The following KCNK17 variants were observed in gnomAD, a reference collection of about 807,000 sequenced individuals.
KCNK17 encodes the protein potassium channel subfamily K member 17.
In KCNK17, 27 loss-of-function variants were observed where a neutral mutation model predicts 24.6. That is an observed-to-expected ratio of 1.10 (90% CI 0.81 to 1.51). The LOEUF is 1.51. Among genes scored for constraint, KCNK17 ranks in the 40% most tolerant of loss-of-function variants. KCNK17 has a pLI of 0.00. For synonymous variants in KCNK17, 181 were observed against 189.8 expected (o/e 0.95, Z 0.38); for missense variants, 450 against 436.6 (o/e 1.03, Z -0.27).
At chr6:39,300,338 G>C in intron 4 of KCNK17, 2 of 742,074 alleles carry the variant, frequency 2.7e-6, no homozygotes, top group South Asian at 3.0e-5. Context: ...TGCCCAGGCT[G>C]GTCTTGAACT....
chr6:39,300,626 G>A (rs1297859958), intron 4 of KCNK17: 1 of 1,174,636 alleles, frequency 8.5e-7, no homozygotes, highest in Non-Finnish European at 1.2e-6. Flanking sequence ...GTGAGATGGG[G>A]AATACGACTG....
chr6:39,312,837 G>A (rs1762165417), intron 1 of KCNK17, among the ~76,000 whole-genome samples: 1 of 152,128 alleles, frequency 6.6e-6, no homozygotes, highest in Non-Finnish European at 1.5e-5. Context: ...GGCTGTATTT[G>A]CAGAAGTCCG....
chr6:39,304,402 G>T, intron 3 of KCNK17, 93 bp downstream of exon 3: 2 of 1,165,398 alleles, frequency 1.7e-6, no homozygotes, highest in Non-Finnish European at 2.5e-6. Flanking sequence ...AGTAACACTT[G>T]CTCCCACCTC....
At chr6:39,310,254 T>G (rs1762109475) in intron 2 of KCNK17, among the ~76,000 whole-genome samples, 1 of 152,090 alleles carries the variant, frequency 6.6e-6, no homozygotes, top group African/African-American at 2.4e-5. Context: ...CTCAGCACCC[T>G]CCTGAGACAA....
At position 39,304,081 on chromosome 6, in the gene KCNK17, G is replaced by C. The variant is rs775999562; in HGVS notation, c.564C>G (p.Gly188=). ...WLAGSGALLS[G]LLLFLLLPPL... is the part of the protein sequence containing the mutation. ...GTGGCAGCAGCAGGAAGAGCAGGAG[G>C]CCCGAGAGGAGGGCGCCAGAGCCCG... Residue 188 remains glycine, a synonymous_variant, in exon 4 of 5, where the codon GGC becomes GGG. Coordinates refer to ENST00000373231, the MANE Select transcript of KCNK17 (RefSeq NM_031460.4). 1.9e-6 allele frequency: 3 copies of C among 1,612,440 alleles called. No homozygotes were observed. In the East Asian group the frequency reaches 6.7e-5, roughly 36 times the overall value.
chr6:39,308,042 C>T (rs986880788), intron 2 of KCNK17, among the ~76,000 whole-genome samples: 46 of 152,278 alleles, frequency 3.0e-4, no homozygotes, highest in African/African-American at 1.1e-3. Context: ...ATGGACACCC[C>T]ACCTACAATA....
intron 1 of KCNK17, among the ~76,000 whole-genome samples, chr6:39,311,325 C>T (rs1762136181): frequency 6.6e-6 from 1 of 152,168 alleles, no homozygotes; most frequent in Admixed American, 6.5e-5. Context: ...CCTGCTCACT[C>T]CCATTCCTGC....
chr6:39,303,246 G>A (rs1040999727), intron 4 of KCNK17, among the ~76,000 whole-genome samples: 4 of 152,186 alleles, frequency 2.6e-5, no homozygotes, highest in Admixed American at 1.3e-4. Context: ...GCATGAAGCC[G>A]CTTGAGGCTG....
Position 39,314,379 on chromosome 6 carries a change from A to G in KCNK17, c.-59T>C. 8.1e-7 allele frequency: 1 copy of G among 1,227,986 alleles called. No homozygotes were observed. Among genetic ancestry groups the G allele is most frequent in the Non-Finnish European group, 1.1e-6 (1 of 929,470 alleles). 76.1% of individuals were successfully genotyped at this position (1,227,986 alleles called of 1,614,324 possible). A position where few individuals can be genotyped will look rare whatever the true frequency, so the allele number is the denominator to read the frequency against. On this transcript the variant is annotated 5_prime_UTR_variant, in exon 1 of 5. Transcript: ENST00000373231. ...GTGGACTAGGACCCGGTGGGAGGGA[A>G]GGGCCAGGCGTCCAGCTCGTATCTC...
Position 39,304,667 on chromosome 6 carries a change from G to A in KCNK17, c.353-12C>T. On this transcript the variant is annotated splice_polypyrimidine_tract_variant and intron_variant, in intron 2 of 4. Transcript: ENST00000373231. ...CAGGTTGCCATAGCCTGAGGTGAGA[G>A]GGGGCACTCAGGGGACATTTCCAGC... is the stretch of plus-strand genomic sequence containing the variant. The A allele has an allele frequency of 6.2e-7, 1 of 1,604,412 alleles. No homozygotes were observed. The highest frequency in any genetic ancestry group is 8.5e-7 in the Non-Finnish European group (1 of 1,171,900).
Position 39,314,069 on chromosome 6 carries a change from C to T in KCNK17, c.237+15G>A, listed in dbSNP as rs1201458108. Reference sequence around the variant, plus strand: ...CCATCCCGCCGCGCCCAGGCCGACGCCGCTCGCCCCTGACCCGGATCAGCG... The same window carrying T: ...CCATCCCGCCGCGCCCAGGCCGACGTCGCTCGCCCCTGACCCGGATCAGCG... On this transcript the variant is annotated intron_variant, in intron 1 of 4. Transcript: ENST00000373231. 1 of 1,550,764 alleles carries T rather than the reference C, an allele frequency of 6.4e-7. No homozygotes were observed.
At chr6:39,310,075 G>A (rs1762107163) in intron 2 of KCNK17, among the ~76,000 whole-genome samples, 1 of 152,326 alleles carries the variant, frequency 6.6e-6, no homozygotes. Context: ...GGCTGGCCAG[G>A]AACTGGGAGG....
chr6:39,314,265 AC>A lies in KCNK17; in HGVS notation c.55del (p.Val19CysfsTer59), dbSNP rs1375544282. ...GAGCAGCAGGAGCACGGTGCTGGGCACCGCGCAGCCCCGGACCCTGCCCTCG... is the reference window on the plus strand; with the variant it reads ...GAGCAGCAGGAGCACGGTGCTGGGCACGCGCAGCCCCGGACCCTGCCCTCG... ...APEGRVRGCA[V>X]PSTVLLLLAY... On this transcript the variant is annotated frameshift_variant, in exon 1 of 5. Transcript: ENST00000373231. LOFTEE classifies it high-confidence loss of function. The A allele has an allele frequency of 6.6e-7, 1 of 1,524,920 alleles. No individual in the cohort carries two copies. Among genetic ancestry groups the A allele is most frequent in the Non-Finnish European group, 8.8e-7 (1 of 1,140,528 alleles). The allele number at this position is 1,524,920 out of a possible 1,614,324, so 94.5% of individuals were successfully genotyped here.
chr6:39,305,874 C>T (rs6934248), intron 2 of KCNK17, among the ~76,000 whole-genome samples: 22,548 of 152,094 alleles, frequency 0.15, 1,903 homozygotes, highest in East Asian at 0.38. Flanking sequence ...TCTTTACCCA[C>T]ATAAATATAA....
In KCNK17 at chr6:39,314,323, C is replaced by A; in HGVS notation, c.-3G>T. On this transcript the variant is annotated 5_prime_UTR_variant, in exon 1 of 5. Coordinates refer to ENST00000373231, the MANE Select transcript of KCNK17 (RefSeq NM_031460.4). ...GCCCGGGCTCGCGGTCGGTACATAG[C>A]GGGAGAGGCGGGGAGCCGGCGCCGG... 2 of 1,412,822 alleles carry A rather than the reference C, an allele frequency of 1.4e-6. No homozygotes were observed. Among genetic ancestry groups the A allele is most frequent in the Non-Finnish European group, 1.8e-6 (2 of 1,087,244 alleles). 87.5% of individuals were successfully genotyped at this position (1,412,822 alleles called of 1,614,324 possible).
chr6:39,312,931 C>T (rs1762167620), intron 1 of KCNK17, among the ~76,000 whole-genome samples: 1 of 152,212 alleles, frequency 6.6e-6, no homozygotes, highest in South Asian at 2.1e-4. Context: ...ACCGAATCGG[C>T]CTAGTCCGAG....
At chr6:39,310,025 T>A (rs186964995) in intron 2 of KCNK17, among the ~76,000 whole-genome samples, 1 of 152,158 alleles carries the variant, frequency 6.6e-6, no homozygotes, top group Non-Finnish European at 1.5e-5. Flanking sequence ...CCCAACCCTG[T>A]GGGGAGGCTG....
rs751817062 is a variant in KCNK17, at chr6:39,304,012, G to A, written c.633C>T (p.Gly211=). 6.2e-7 allele frequency: 1 copy of A among 1,613,902 alleles called. No homozygotes were observed. The highest frequency in any genetic ancestry group is 1.1e-5 in the South Asian group (1 of 91,090). The change falls in exon 4 of 5, where the codon GGC becomes GGT. Residue 211 remains glycine (G), a synonymous_variant. Coordinates refer to ENST00000373231, the MANE Select transcript of KCNK17 (RefSeq NM_031460.4). ...TGAGGGTGATGAAGGCGAAGTAGAA[G>A]CCCTCTGTGTAGCTCCAGCCCTCCA... The part of the protein sequence containing the change: ...SHMEGWSYTE[G]FYFAFITLST...
intron 1 of KCNK17, among the ~76,000 whole-genome samples, chr6:39,311,345 T>C (rs1365717177): frequency 6.6e-6 from 1 of 152,066 alleles, no homozygotes; most frequent in Non-Finnish European, 1.5e-5. Flanking sequence ...CAACAAACAC[T>C]AGGCCAGGCG....
Sources: gnomAD v4.1 joint callset for allele counts (sites outside exome capture counted in the v4.1 genomes callset) on GRCh38, gnomAD v4.1.1 for gene constraint, MANE v1.5 for transcripts, NCBI Gene and HGNC (gene_info 2026-07-23, HGNC 2026-07-21) for gene names.